The following RHOU variants were observed in gnomAD, a reference collection of about 807,000 sequenced individuals.
The protein encoded by RHOU is rho-related GTP-binding protein RhoU.
A neutral mutation model predicts 12.6 loss-of-function variants in RHOU; 8 were observed. The ratio of observed to expected loss-of-function variants is 0.64; its 90% CI spans 0.37 to 1.15. The LOEUF is 1.15. Ranked by LOEUF, RHOU falls within the 50% of genes most tolerant of loss-of-function variation. The pLI is 0.01. For synonymous variants in RHOU, 161 were observed against 147.4 expected (o/e 1.09, Z -0.67); for missense variants, 258 against 347.0 (o/e 0.74, Z 2.04).
chr1:228,704,084 C>A, the RHOU span, among the ~76,000 whole-genome samples: 1 of 152,162 alleles, frequency 6.6e-6, no homozygotes, highest in African/African-American at 2.4e-5. Flanking sequence ...AATGAAGATT[C>A]ACTGAGCCAG....
At chr1:228,660,344 C>A in the RHOU span, among the ~76,000 whole-genome samples, 169 of 147,798 alleles carry the variant, frequency 1.1e-3, no homozygotes, top group Non-Finnish European at 2.2e-3. Flanking sequence ...AATCTCCTGA[C>A]CGAAAAAAAT....
At chr1:228,663,631 T>TTTTC in the RHOU span, among the ~76,000 whole-genome samples, 1 of 131,256 alleles carries the variant, frequency 7.6e-6, no homozygotes, top group African/African-American at 2.9e-5. Context: ...TTTTCTTTTT[T>TTTTC]TTTTTTTTTT....
the RHOU span, among the ~76,000 whole-genome samples, chr1:228,646,433 C>G: frequency 1.4e-4 from 6 of 41,798 alleles, no homozygotes; most frequent in African/African-American, 6.4e-4. Context: ...GTTTTGGATC[C>G]CTCGCCGCAC....
the RHOU span, among the ~76,000 whole-genome samples, chr1:228,646,709 A>C: frequency 1.5e-4 from 22 of 149,918 alleles, no homozygotes; most frequent in African/African-American, 5.4e-4. Flanking sequence ...GACACACCCC[A>C]CCGCCACCAG....
the RHOU span, among the ~76,000 whole-genome samples, chr1:228,647,495 CT>C: frequency 1.3e-5 from 2 of 152,328 alleles, no homozygotes; most frequent in South Asian, 2.1e-4. Flanking sequence ...AATGTCCTTC[CT>C]CCCGGGTAAA....
chr1:228,725,556 G>A, the RHOU span, among the ~76,000 whole-genome samples: 1 of 152,210 alleles, frequency 6.6e-6, no homozygotes, highest in East Asian at 1.9e-4. Flanking sequence ...GAGTGCCAAA[G>A]AACAGAGCAC....
upstream of RHOU, among the ~76,000 whole-genome samples, chr1:228,730,505 A>C (rs1051055426): frequency 6.6e-6 from 1 of 152,012 alleles, no homozygotes; most frequent in South Asian, 2.1e-4. Flanking sequence ...TGACCATATG[A>C]CCCTCCTCCA....
At chr1:228,672,494 A>G in the RHOU span, among the ~76,000 whole-genome samples, 1 of 152,230 alleles carries the variant, frequency 6.6e-6, no homozygotes, top group Non-Finnish European at 1.5e-5. Flanking sequence ...AAATTTTAAT[A>G]GCACAAAGTT....
At chr1:228,691,229 A>G in the RHOU span, among the ~76,000 whole-genome samples, 1 of 152,194 alleles carries the variant, frequency 6.6e-6, no homozygotes, top group Non-Finnish European at 1.5e-5. Context: ...CGTTTGTTAC[A>G]ATCAATAAAT....
At chr1:228,715,096 T>G in the RHOU span, among the ~76,000 whole-genome samples, 1 of 152,108 alleles carries the variant, frequency 6.6e-6, no homozygotes, top group African/African-American at 2.4e-5. Flanking sequence ...TAGATCTATT[T>G]TTTTTTTCCT....
the RHOU span, among the ~76,000 whole-genome samples, chr1:228,723,346 C>G: frequency 1.3e-5 from 2 of 152,344 alleles, no homozygotes; most frequent in South Asian, 4.1e-4. Context: ...CAGGTATATA[C>G]AGAGGCTGGA....
chr1:228,717,393 A>G, the RHOU span, among the ~76,000 whole-genome samples: 53 of 152,170 alleles, frequency 3.5e-4, no homozygotes, highest in African/African-American at 1.3e-3. Context: ...AACTGAAATG[A>G]CCTCTCATCC....
chr1:228,659,436 A>C, the RHOU span, among the ~76,000 whole-genome samples: 2 of 152,100 alleles, frequency 1.3e-5, no homozygotes, highest in Middle Eastern at 6.3e-3. Context: ...AGCAACCTAA[A>C]TTTACAATTT....
the RHOU span, among the ~76,000 whole-genome samples, chr1:228,724,584 T>C: frequency 6.6e-6 from 1 of 152,214 alleles, no homozygotes; most frequent in Admixed American, 6.5e-5. Context: ...CCCAAAGTGC[T>C]GGAATTACAG....
At chr1:228,733,796 G>A (rs1662541062), upstream of RHOU, among the ~76,000 whole-genome samples, 1 of 152,194 alleles carries the variant, frequency 6.6e-6, no homozygotes, top group African/African-American at 2.4e-5. Flanking sequence ...TGGATGGCTA[G>A]CAACAACATA....
the RHOU span, among the ~76,000 whole-genome samples, chr1:228,671,761 G>A: frequency 2.0e-5 from 3 of 150,864 alleles, no homozygotes; most frequent in Non-Finnish European, 3.0e-5. Flanking sequence ...AGGATTGATG[G>A]AAATATTTTC....
chr1:228,664,172 C>G, the RHOU span, among the ~76,000 whole-genome samples: 2 of 151,372 alleles, frequency 1.3e-5, no homozygotes, highest in South Asian at 4.2e-4. Flanking sequence ...TGTGTGCCAC[C>G]AGGCTCGGCT....
In RHOU at chr1:228,737,636, G is replaced by T; in HGVS notation, c.263-37G>T. The T allele has an allele frequency of 6.2e-7, 1 of 1,606,068 alleles. No homozygotes were observed. Among genetic ancestry groups the T allele is most frequent in the Non-Finnish European group, 8.5e-7 (1 of 1,172,636 alleles). The stretch of plus-strand genomic sequence containing the variant: ...ATTAGTATTCCGAAAGGGGTTAAAA[G>T]ACACCTCCTGATTGTCATTTTGGTT... On this transcript the variant is annotated intron_variant, in intron 1 of 2. Coordinates refer to ENST00000366691, the MANE Select transcript of RHOU (RefSeq NM_021205.6). The surrounding 1 kb of genome is among the most constrained non-coding windows in gnomAD (Gnocchi z 4.1).
At chr1:228,650,568 A>G in the RHOU span, 3 of 455,936 alleles carry the variant, frequency 6.6e-6, no homozygotes, top group Non-Finnish European at 8.8e-6. Context: ...TCCTCACCTC[A>G]CTGCTCGCCT....
Sources: gnomAD v4.1 joint callset for allele counts (sites outside exome capture counted in the v4.1 genomes callset) on GRCh38, gnomAD v4.1.1 for gene constraint, Gnocchi (gnomAD v3.1) non-coding constraint, MANE v1.5 for transcripts, NCBI Gene and HGNC (gene_info 2026-07-23, HGNC 2026-07-21) for gene names.